Variants in DNER observed in about 807,000 individuals in gnomAD.
The protein encoded by DNER is delta/notch like EGF repeat containing.
DNER carries 33 observed loss-of-function variants against 78.2 expected under a neutral mutation model. The ratio of observed to expected loss-of-function variants is 0.42; its 90% CI spans 0.32 to 0.56. The LOEUF (loss-of-function observed/expected upper bound fraction) is 0.56. Among genes scored for constraint, DNER ranks in the 20% least tolerant of loss-of-function variants. The pLI is 0.11. For synonymous variants in DNER, 417 were observed against 384.8 expected (o/e 1.08, Z -0.98); for missense variants, 918 against 975.3 (o/e 0.94, Z 0.78).
At chr2:229,684,209 TG>T (rs1317385134) in intron 1 of DNER, among the ~76,000 whole-genome samples, 6 of 142,502 alleles carry the variant, frequency 4.2e-5, no homozygotes, top group Middle Eastern at 3.7e-3. Context: ...TGTGTGTGTG[TG>T]TTGGGGCTAA....
At chr2:229,630,716 G>C (rs1319136733) in intron 1 of DNER, among the ~76,000 whole-genome samples, 4 of 151,888 alleles carry the variant, frequency 2.6e-5, no homozygotes, top group Non-Finnish European at 4.4e-5. Flanking sequence ...CTGAGGTTTG[G>C]GGTATGATTG....
intron 1 of DNER, among the ~76,000 whole-genome samples, chr2:229,666,401 C>G (rs1339280172): frequency 6.6e-6 from 1 of 152,024 alleles, no homozygotes. Context: ...TTATCAGTAA[C>G]CGAAAGGCAA....
intron 5 of DNER, among the ~76,000 whole-genome samples, chr2:229,543,271 T>C (rs1288453346): frequency 6.6e-6 from 1 of 152,172 alleles, no homozygotes; most frequent in African/African-American, 2.4e-5. Flanking sequence ...TTTGATTCGC[T>C]TTTTTTCACA....
In DNER at chr2:229,421,110, C is replaced by A. The variant is rs112511557; in HGVS notation, c.1487-2880G>T. ...GCCTTAAAAAGGAAGAAAATCTTGT[C>A]ATGTGCTACAATATGGATGAACCTT... On this transcript the variant is annotated intron_variant, in intron 8 of 12. Coordinates refer to ENST00000341772, the MANE Select transcript of DNER (RefSeq NM_139072.4). 8.1e-3 allele frequency among the ~76,000 whole-genome samples: 1,229 copies of A among 152,270 alleles called. 21 individuals carry two copies. Among genetic ancestry groups the A allele is most frequent in the African/African-American group, 0.028 (1,180 of 41,558 alleles).
At chr2:229,567,322 T>C (rs1697127843) in intron 4 of DNER, among the ~76,000 whole-genome samples, 1 of 152,216 alleles carries the variant, frequency 6.6e-6, no homozygotes. Flanking sequence ...GTCTGATTTG[T>C]TCATTGCTCT....
intron 4 of DNER, chr2:229,580,401 A>G (rs1198597757): frequency 6.6e-6 from 1 of 152,252 alleles, no homozygotes; most frequent in Non-Finnish European, 1.5e-5. Context: ...AATGGTCTGG[A>G]TTAAACAGTA....
intron 2 of DNER, among the ~76,000 whole-genome samples, chr2:229,589,493 G>A (rs1056228968): frequency 2.6e-5 from 4 of 152,182 alleles, no homozygotes; most frequent in Admixed American, 2.6e-4. Context: ...ACAGAAAGGG[G>A]ATAATAATAT....
intron 1 of DNER, among the ~76,000 whole-genome samples, chr2:229,690,255 G>C (rs1485195461): frequency 2.0e-5 from 3 of 152,200 alleles, no homozygotes; most frequent in African/African-American, 7.2e-5. Context: ...TGTGGCCTGG[G>C]TTGAGAACCA....
intron 8 of DNER, among the ~76,000 whole-genome samples, chr2:229,440,138 C>A (rs894530210): frequency 4.6e-5 from 7 of 152,220 alleles, no homozygotes; most frequent in African/African-American, 1.7e-4. Context: ...TCATGCTCCA[C>A]CAGCAAGTGC....
At chr2:229,508,423 A>G (rs1695787304) in intron 6 of DNER, among the ~76,000 whole-genome samples, 1 of 152,324 alleles carries the variant, frequency 6.6e-6, no homozygotes, top group East Asian at 1.9e-4. Flanking sequence ...AAGAACTCCA[A>G]CACTATGGAT....
intron 7 of DNER, among the ~76,000 whole-genome samples, chr2:229,465,590 A>G (rs1694787391): frequency 6.6e-6 from 1 of 152,066 alleles, no homozygotes; most frequent in Non-Finnish European, 1.5e-5. Flanking sequence ...ATAACATTTA[A>G]AAAAAAATAA....
At chr2:229,413,318 CTTCTTTTTTT>C (rs1453675177) in intron 9 of DNER, among the ~76,000 whole-genome samples, 1 of 89,504 alleles carries the variant, frequency 1.1e-5, no homozygotes, top group South Asian at 3.3e-4. Flanking sequence ...TCTTTTTCTT[CTTCTTTTTTT>C]TTTTTTTTTT....
At chr2:229,359,707 T>C (rs1413328641) in intron 12 of DNER, among the ~76,000 whole-genome samples, 1 of 152,224 alleles carries the variant, frequency 6.6e-6, no homozygotes, top group Non-Finnish European at 1.5e-5. Context: ...CTTTGATATG[T>C]TGAAAGTCTG....
chr2:229,668,024 A>G (rs544899377), intron 1 of DNER, among the ~76,000 whole-genome samples: 1 of 152,340 alleles, frequency 6.6e-6, no homozygotes, highest in African/African-American at 2.4e-5. Context: ...TGTAGCATTC[A>G]GAGCTTTTGA....
intron 1 of DNER, among the ~76,000 whole-genome samples, chr2:229,679,479 C>T (rs1349439649): frequency 6.6e-6 from 1 of 152,088 alleles, no homozygotes; most frequent in Non-Finnish European, 1.5e-5. Flanking sequence ...TTCTACTACC[C>T]TGTCCTATTC....
intron 9 of DNER, among the ~76,000 whole-genome samples, chr2:229,416,165 G>C (rs1444627201): frequency 6.6e-6 from 1 of 152,118 alleles, no homozygotes; most frequent in Admixed American, 6.5e-5. Context: ...CATGTTTCCT[G>C]TCTTTTCACT....
At chr2:229,543,125 T>C (rs1574893978) in intron 5 of DNER, among the ~76,000 whole-genome samples, 1 of 151,906 alleles carries the variant, frequency 6.6e-6, no homozygotes, top group African/African-American at 2.4e-5. Flanking sequence ...ACCTGCACGT[T>C]GTGCACATGT....
At chr2:229,588,286 C>T (rs927956141) in intron 3 of DNER, 108 bp downstream of exon 3, 34 of 965,502 alleles carry the variant, frequency 3.5e-5, no homozygotes, top group Admixed American at 2.8e-4. Context: ...AATCTGTTCA[C>T]GATTCTCACT....
chr2:229,397,477 A>AAAAAAAAAAAAAAAAAC, intron 10 of DNER, among the ~76,000 whole-genome samples: 1 of 151,172 alleles, frequency 6.6e-6, no homozygotes. Context: ...AAAAAAAAAA[A>AAAAAAAAAAAAAAAAAC]AACTGCAAGT....
Sources: gnomAD v4.1 joint callset for allele counts (sites outside exome capture counted in the v4.1 genomes callset) on GRCh38, gnomAD v4.1.1 for gene constraint, MANE v1.5 for transcripts, NCBI Gene and HGNC (gene_info 2026-07-23, HGNC 2026-07-21) for gene names.